The following FAM185A variants were observed in gnomAD, a reference collection of about 807,000 sequenced individuals.
The protein encoded by FAM185A is family with sequence similarity 185 member A.
A neutral mutation model predicts 45.7 loss-of-function variants in FAM185A; 21 were observed. The observed-to-expected ratio is 0.46, with a 90% CI of 0.33 to 0.66. FAM185A has a LOEUF of 0.66. Among genes scored for constraint, FAM185A ranks in the 30% least tolerant of loss-of-function variants. The pLI is 0.03. For synonymous variants in FAM185A, 117 were observed against 194.0 expected (o/e 0.60, Z 3.30); for missense variants, 305 against 485.4 (o/e 0.63, Z 3.49).
the FAM185A span, among the ~76,000 whole-genome samples, chr7:102,821,326 T>C: frequency 6.6e-6 from 1 of 152,246 alleles, no homozygotes; most frequent in South Asian, 2.1e-4. Flanking sequence ...CTGGGCCCAG[T>C]GGGAATGTCT....
chr7:102,846,648 T>C, the FAM185A span, among the ~76,000 whole-genome samples: 1 of 151,188 alleles, frequency 6.6e-6, no homozygotes, highest in African/African-American at 2.4e-5. Flanking sequence ...AATGAGATGG[T>C]TTGAGCATGA....
intron 6 of FAM185A, among the ~76,000 whole-genome samples, chr7:102,781,220 A>G (rs1795384665): frequency 6.6e-6 from 1 of 152,212 alleles, no homozygotes; most frequent in Non-Finnish European, 1.5e-5. Flanking sequence ...CTGCCTCTGT[A>G]GACTCCACAT....
At chr7:102,818,557 T>C in the FAM185A span, among the ~76,000 whole-genome samples, 4 of 152,164 alleles carry the variant, frequency 2.6e-5, no homozygotes, top group Non-Finnish European at 5.9e-5. Context: ...AGAGGAGAAC[T>C]CTGATAAGAG....
chr7:102,837,307 A>C, the FAM185A span, among the ~76,000 whole-genome samples: 1 of 152,220 alleles, frequency 6.6e-6, no homozygotes, highest in Non-Finnish European at 1.5e-5. Flanking sequence ...CAGGCTGAGC[A>C]AGGCTTAGCA....
At chr7:102,760,239 A>T (rs955119287) in intron 3 of FAM185A, among the ~76,000 whole-genome samples, 2 of 152,042 alleles carry the variant, frequency 1.3e-5, no homozygotes, top group African/African-American at 4.8e-5. Flanking sequence ...TATTCATAAT[A>T]ACTAAGTGAA....
intron 7 of FAM185A, among the ~76,000 whole-genome samples, chr7:102,805,976 C>G (rs907097319): frequency 1.3e-5 from 2 of 152,164 alleles, no homozygotes; most frequent in Admixed American, 6.5e-5. Context: ...CAGTTTAGTC[C>G]TGAGCTTCCC....
At chr7:102,788,929 C>G (rs992812179) in intron 7 of FAM185A, among the ~76,000 whole-genome samples, 1 of 151,996 alleles carries the variant, frequency 6.6e-6, no homozygotes, top group Non-Finnish European at 1.5e-5. Flanking sequence ...CATGGTACGC[C>G]TGTATAGGGC....
chr7:102,827,591 A>G, the FAM185A span, among the ~76,000 whole-genome samples: 1 of 151,826 alleles, frequency 6.6e-6, no homozygotes, highest in Non-Finnish European at 1.5e-5. Context: ...TTTGTTACAT[A>G]TGTATACATG....
At chr7:102,829,761 A>G in the FAM185A span, among the ~76,000 whole-genome samples, 6 of 152,168 alleles carry the variant, frequency 3.9e-5, no homozygotes, top group African/African-American at 1.2e-4. Context: ...AGATAAGGTG[A>G]CCATTCAAAA....
the FAM185A span, among the ~76,000 whole-genome samples, chr7:102,824,643 G>A: frequency 2.0e-5 from 3 of 151,950 alleles, no homozygotes; most frequent in Non-Finnish European, 4.4e-5. Context: ...CCGCCACCAC[G>A]CCCAACTAAT....
intron 1 of FAM185A, among the ~76,000 whole-genome samples, chr7:102,749,944 T>C (rs1793260922): frequency 6.6e-6 from 1 of 152,180 alleles, no homozygotes; most frequent in Non-Finnish European, 1.5e-5. Context: ...CTTTATCCCG[T>C]TGTCATTAGC....
downstream of FAM185A, chr7:102,813,267 G>A (rs990582195): frequency 8.1e-6 from 11 of 1,353,812 alleles, no homozygotes; most frequent in East Asian, 1.9e-4. Flanking sequence ...GATTCAGCTA[G>A]TAAACATACT....
At chr7:102,832,917 G>A in the FAM185A span, 1 of 1,614,218 alleles carries the variant, frequency 6.2e-7, no homozygotes, top group Non-Finnish European at 8.5e-7. Context: ...ATATCTGACA[G>A]CTGGGAGCAA....
At chr7:102,811,402 T>C (rs1797427369), downstream of FAM185A, among the ~76,000 whole-genome samples, 1 of 152,256 alleles carries the variant, frequency 6.6e-6, no homozygotes, top group Non-Finnish European at 1.5e-5. Flanking sequence ...AAGATTTCTC[T>C]ACCTGTATCC....
chr7:102,826,724 CATATATATATATATATA>C, the FAM185A span, among the ~76,000 whole-genome samples: 1 of 62,712 alleles, frequency 1.6e-5, no homozygotes, highest in African/African-American at 4.6e-5. Flanking sequence ...GACCCTGTCT[CATATATATATATATATA>C]TATATATATA....
chr7:102,790,828 C>T (rs1796096570), intron 7 of FAM185A, among the ~76,000 whole-genome samples: 1 of 152,234 alleles, frequency 6.6e-6, no homozygotes, highest in South Asian at 2.1e-4. Flanking sequence ...CCTACCTCCT[C>T]CTTCTCCTGT....
intron 6 of FAM185A, among the ~76,000 whole-genome samples, chr7:102,780,229 T>C (rs997015738): frequency 1.3e-5 from 2 of 152,146 alleles, no homozygotes; most frequent in South Asian, 2.1e-4. Flanking sequence ...CTGACCATCT[T>C]TGTCCACAGA....
downstream of FAM185A, among the ~76,000 whole-genome samples, chr7:102,809,506 T>C (rs916752174): frequency 2.0e-5 from 3 of 151,942 alleles, no homozygotes; most frequent in Admixed American, 1.3e-4. Context: ...CCAGCCTGGC[T>C]AACATGGTAA....
In FAM185A at chr7:102,788,026, G is replaced by A. The variant is rs200710217; in HGVS notation, c.1066+557G>A. On this transcript the variant is annotated intron_variant, in intron 7 of 7. Transcript: ENST00000413034. Reference sequence around the variant, plus strand: ...ATTGCCCATACTGGAGTGCAGTGGCGTGATCTTGGCTCACTGCAACCTCCG... The same window carrying A: ...ATTGCCCATACTGGAGTGCAGTGGCATGATCTTGGCTCACTGCAACCTCCG... Among the ~76,000 whole-genome samples the A allele has an allele frequency of 3.2e-4, 49 of 152,220 alleles. 1 individual carries two copies. The East Asian group carries it at 8.1e-3, about 25-fold the overall frequency.
Sources: allele counts gnomAD v4.1 joint callset (sites outside exome capture counted in the v4.1 genomes callset), GRCh38; gene constraint gnomAD v4.1.1; transcripts MANE v1.5; gene names NCBI Gene and HGNC (gene_info 2026-07-23, HGNC 2026-07-21).